TMTC2: variants seen among roughly 807,000 people sequenced by gnomAD.
TMTC2 encodes the protein transmembrane O-mannosyltransferase targeting cadherins 2, also known as protein O-mannosyl-transferase TMTC2.
In TMTC2, 43 loss-of-function variants were observed where a neutral mutation model predicts 82.4. That is an observed-to-expected ratio of 0.52 (90% CI 0.41 to 0.67). The LOEUF is 0.67. Ranked by LOEUF, TMTC2 falls within the 30% of genes least tolerant of loss-of-function variation. The probability of loss-of-function intolerance (pLI) is 0.00; values close to 1 mark genes in which losing one functional copy is unlikely to be tolerated. For missense variants in TMTC2, 919 were observed against 1,012.4 expected (o/e 0.91, Z 1.25); for synonymous variants, 408 against 381.9 (o/e 1.07, Z -0.80).
chr12:83,051,294 T>G (rs1026179863), intron 10 of TMTC2, among the ~76,000 whole-genome samples: 1 of 152,048 alleles, frequency 6.6e-6, no homozygotes, highest in Admixed American at 6.6e-5. Flanking sequence ...GCTTTGCTTT[T>G]TCTTTCTTTT....
chr12:82,911,359 A>T (rs1437330968), intron 3 of TMTC2, among the ~76,000 whole-genome samples: 2 of 27,830 alleles, frequency 7.2e-5, no homozygotes, highest in Admixed American at 7.3e-4. Flanking sequence ...GCCCACCTCC[A>T]GCCTCTGTGT....
At position 82,889,007 on chromosome 12, in the gene TMTC2, G is replaced by A. The variant is rs142533158; in HGVS notation, c.655-6811G>A. 8.8e-4 allele frequency among the ~76,000 whole-genome samples: 134 copies of A among 152,154 alleles called. 2 individuals are homozygous for A. In the East Asian group the frequency reaches 0.023, roughly 26 times the overall value. On this transcript the variant is annotated intron_variant, in intron 2 of 11. Coordinates refer to ENST00000321196, the MANE Select transcript of TMTC2 (RefSeq NM_152588.3). ...AAAAGTGTAGGAACTGGCCATGCAC[G>A]GTGGCTCACACGTGTAATCCCAGAA...
At chr12:82,922,243 A>C (rs1875440157) in intron 3 of TMTC2, among the ~76,000 whole-genome samples, 1 of 152,236 alleles carries the variant, frequency 6.6e-6, no homozygotes, top group Non-Finnish European at 1.5e-5. Flanking sequence ...ACAGGCTTAA[A>C]CATGTAAAAA....
chr12:82,922,191 A>G (rs987191140), intron 3 of TMTC2, among the ~76,000 whole-genome samples: 2 of 152,204 alleles, frequency 1.3e-5, no homozygotes, highest in Non-Finnish European at 2.9e-5. Context: ...ATAAAATTGC[A>G]CTTTTAAAAG....
intron 11 of TMTC2, among the ~76,000 whole-genome samples, chr12:83,121,652 TC>T (rs1884950882): frequency 6.6e-6 from 1 of 152,086 alleles, no homozygotes; most frequent in Admixed American, 6.5e-5. Context: ...ATGTGGCGCT[TC>T]CCAGAGAGCA....
intron 1 of TMTC2, among the ~76,000 whole-genome samples, chr12:82,804,388 TTGAAAAATCA>T (rs1217780946): frequency 6.6e-6 from 1 of 152,150 alleles, no homozygotes; most frequent in Non-Finnish European, 1.5e-5. Context: ...TAGAATTTCT[TTGAAAAATCA>T]TGGTGTATTA....
At chr12:82,804,439 A>G (rs1188403698) in intron 1 of TMTC2, among the ~76,000 whole-genome samples, 7 of 152,170 alleles carry the variant, frequency 4.6e-5, no homozygotes. Context: ...TTTCTGAAAG[A>G]TAAATCTTGG....
chr12:82,834,918 C>T (rs1048585417), intron 1 of TMTC2, among the ~76,000 whole-genome samples: 2 of 151,698 alleles, frequency 1.3e-5, no homozygotes, highest in South Asian at 2.1e-4. Context: ...TGCCCTGTCG[C>T]CCAGGCTGGA....
At position 82,742,521 on chromosome 12, in the gene TMTC2, C is replaced by CT. The variant is rs369523726; in HGVS notation, c.83+54867dup. On this transcript the variant is annotated intron_variant, in intron 1 of 11. Coordinates refer to ENST00000321196, the MANE Select transcript of TMTC2 (RefSeq NM_152588.3). Reference sequence around the variant, plus strand: ...GACTTCCCACTATATCCTGTATATTCTTTTTTTTTTTTTTTAAGGTGGAGT... The same window carrying CT: ...GACTTCCCACTATATCCTGTATATTCTTTTTTTTTTTTTTTTAAGGTGGAGT... Among the ~76,000 whole-genome samples the CT allele has an allele frequency of 1.5e-3, 215 of 140,508 alleles. 1 individual carries two copies. The highest frequency in any genetic ancestry group is 1.9e-3 in the Admixed American group (26 of 13,970). 92.2% of individuals were successfully genotyped at this position (140,508 alleles called of 152,430 possible).
chr12:82,897,862 T>C (rs1030340804), intron 3 of TMTC2, among the ~76,000 whole-genome samples: 5 of 152,158 alleles, frequency 3.3e-5, no homozygotes, highest in African/African-American at 4.8e-5. Flanking sequence ...TGATATAGCA[T>C]TTGAACTGGC....
At chr12:82,730,002 A>T (rs1227779026) in intron 1 of TMTC2, among the ~76,000 whole-genome samples, 1 of 152,146 alleles carries the variant, frequency 6.6e-6, no homozygotes, top group Non-Finnish European at 1.5e-5. Context: ...CAGCGAGACC[A>T]CGAACCCACC....
intron 7 of TMTC2, among the ~76,000 whole-genome samples, chr12:82,969,952 A>T (rs1255336333): frequency 1.3e-5 from 2 of 152,218 alleles, no homozygotes; most frequent in Non-Finnish European, 2.9e-5. Context: ...ATAATTAGGA[A>T]GATATGAGAA....
intron 1 of TMTC2, among the ~76,000 whole-genome samples, chr12:82,735,634 C>T (rs894862307): frequency 5.3e-5 from 8 of 151,348 alleles, no homozygotes; most frequent in African/African-American, 7.3e-5. Flanking sequence ...CGTGAGCCAC[C>T]GCACCCAGCC....
intron 11 of TMTC2, among the ~76,000 whole-genome samples, chr12:83,120,627 C>A (rs1789337321): frequency 6.6e-6 from 1 of 152,138 alleles, no homozygotes; most frequent in African/African-American, 2.4e-5. Context: ...TGACAGTGTG[C>A]CTAGGTGATG....
intron 1 of TMTC2, among the ~76,000 whole-genome samples, chr12:82,713,548 A>G (rs1358601844): frequency 1.3e-5 from 2 of 152,222 alleles, no homozygotes; most frequent in Admixed American, 6.5e-5. Context: ...TATGGATGGC[A>G]GAAGGCAAAG....
intron 7 of TMTC2, among the ~76,000 whole-genome samples, chr12:82,975,514 TG>T (rs1383756322): frequency 2.6e-5 from 4 of 152,212 alleles, no homozygotes; most frequent in Non-Finnish European, 4.4e-5. Flanking sequence ...ATGTTAATTA[TG>T]GGAACGGGAT....
At chr12:82,876,082 TG>T (rs1377669527) in intron 2 of TMTC2, among the ~76,000 whole-genome samples, 98 of 133,886 alleles carry the variant, frequency 7.3e-4, no homozygotes, top group African/African-American at 2.2e-3. Flanking sequence ...ATGATGATGG[TG>T]ATTAGTATTC....
At chr12:82,906,005 G>T (rs545414642) in intron 3 of TMTC2, among the ~76,000 whole-genome samples, 2 of 151,492 alleles carry the variant, frequency 1.3e-5, no homozygotes, top group East Asian at 3.9e-4. Flanking sequence ...ATTTTGCAGC[G>T]TCTGACAATT....
At chr12:82,779,747 A>G (rs1176235828) in intron 1 of TMTC2, among the ~76,000 whole-genome samples, 1 of 151,986 alleles carries the variant, frequency 6.6e-6, no homozygotes, top group Non-Finnish European at 1.5e-5. Flanking sequence ...AAAAACTACA[A>G]AAATTAGCCG....
Sources: gnomAD v4.1 joint callset for allele counts (sites outside exome capture counted in the v4.1 genomes callset) on GRCh38, gnomAD v4.1.1 for gene constraint, MANE v1.5 for transcripts, NCBI Gene and HGNC (gene_info 2026-07-23, HGNC 2026-07-21) for gene names.